Variants in PYHIN1 observed in about 807,000 individuals in gnomAD.
PYHIN1 encodes the protein pyrin and HIN domain-containing protein 1.
PYHIN1 carries 32 observed loss-of-function variants against 43.7 expected under a neutral mutation model. The observed-to-expected ratio is 0.73, with a 90% confidence interval of 0.55 to 0.98. The LOEUF (loss-of-function observed/expected upper bound fraction) is 0.98. PYHIN1 is among the 50% of genes least tolerant of loss of function. The pLI is 0.00. For synonymous variants in PYHIN1, 205 were observed against 203.1 expected, an observed-to-expected ratio of 1.01 and a Z score of -0.08; for missense variants, 588 against 589.5, an observed-to-expected ratio of 1.00 and a Z score of 0.03.
intron 7 of PYHIN1, among the ~76,000 whole-genome samples, chr1:158,971,775 G>A (rs1303231819): frequency 6.6e-6 from 1 of 151,944 alleles, no homozygotes; most frequent in East Asian, 1.9e-4. Flanking sequence ...CAGCAGAGGT[G>A]CTTGACCAAG....
At chr1:158,934,544 A>T (rs2101638582) in intron 1 of PYHIN1, among the ~76,000 whole-genome samples, 1 of 151,726 alleles carries the variant, frequency 6.6e-6, no homozygotes, top group African/African-American at 2.4e-5. Flanking sequence ...TTTGTTTTTT[A>T]TGTTCTTCAG....
chr1:158,933,735 A>AAT lies in PYHIN1; in HGVS notation c.-21+1960_-21+1961dup, dbSNP rs999092524. Among the ~76,000 whole-genome samples the AAT allele has an allele frequency of 3.6e-4, 54 of 152,050 alleles. No individual in the cohort carries two copies. Among genetic ancestry groups the AAT allele is most frequent in the Admixed American group, 9.8e-4 (15 of 15,260 alleles). On this transcript the variant is annotated intron_variant, in intron 1 of 8. Coordinates refer to ENST00000368140, the MANE Select transcript of PYHIN1 (RefSeq NM_152501.5). The surrounding 1 kb of genome is among the most constrained non-coding windows in gnomAD (Gnocchi z 6.3). ...ATATTTCCATCTCACCCTTTAAGAC[A>AAT]ATTACATTAGTAAACTCATATTCTT...
At chr1:158,965,886 T>C (rs1650603205) in intron 7 of PYHIN1, among the ~76,000 whole-genome samples, 1 of 150,830 alleles carries the variant, frequency 6.6e-6, no homozygotes, top group Non-Finnish European at 1.5e-5. Flanking sequence ...ATAACCAATA[T>C]CAGAGCTAAA....
chr1:158,952,051 G>T (rs567439307), intron 7 of PYHIN1, among the ~76,000 whole-genome samples: 4 of 152,158 alleles, frequency 2.6e-5, no homozygotes, highest in Middle Eastern at 3.4e-3. Flanking sequence ...CTAAGCAGGT[G>T]GGCCCCAGGG....
Position 158,945,038 on chromosome 1 carries a change from C to T in PYHIN1, c.1355C>T (p.Thr452Ile). Residue 452 changes from threonine (T) to isoleucine (I), a missense_variant, in exon 7 of 9, where the codon ACC becomes ATC. Transcript: ENST00000368140. ...ACAACCCCATCCAGCAGTTCCTTCA[C>T]CAAGGTACAATATCCTGGGTCCCAT... ...PPTTPSSSSF[T>I]KKDETHPGAQ... 6.2e-7 allele frequency: 1 copy of T among 1,612,498 alleles called. No homozygotes were observed.
intron 7 of PYHIN1, among the ~76,000 whole-genome samples, chr1:158,951,684 G>T (rs1355809791): frequency 6.6e-6 from 1 of 152,180 alleles, no homozygotes; most frequent in Non-Finnish European, 1.5e-5. Flanking sequence ...TTTTGGGAAT[G>T]ATGAAAATGG....
chr1:158,967,320 G>A (rs1260277519), intron 7 of PYHIN1, among the ~76,000 whole-genome samples: 1 of 151,902 alleles, frequency 6.6e-6, no homozygotes, highest in South Asian at 2.1e-4. Flanking sequence ...AAATAATGAG[G>A]CAATCATTTC....
At chr1:158,988,615 T>C in the PYHIN1 span, among the ~76,000 whole-genome samples, 1 of 152,194 alleles carries the variant, frequency 6.6e-6, no homozygotes, top group Non-Finnish European at 1.5e-5. Flanking sequence ...CTTGGCTCTC[T>C]TGGCTGTATT....
intron 7 of PYHIN1, among the ~76,000 whole-genome samples, chr1:158,965,966 A>C (rs116068844): frequency 0.01 from 1,592 of 152,116 alleles, 36 homozygotes; most frequent in African/African-American, 0.037. Context: ...TGTTGAAAAA[A>C]TTAATAAGAA....
the PYHIN1 span, among the ~76,000 whole-genome samples, chr1:158,983,037 G>A: frequency 3.9e-5 from 6 of 152,002 alleles, no homozygotes; most frequent in African/African-American, 1.4e-4. Context: ...TGGGAAATTT[G>A]GGGCAAAGGC....
intron 7 of PYHIN1, among the ~76,000 whole-genome samples, chr1:158,960,524 C>T (rs533936401): frequency 6.6e-6 from 1 of 152,184 alleles, no homozygotes; most frequent in Non-Finnish European, 1.5e-5. Flanking sequence ...GCCATTTATT[C>T]TTGGGTGTCC....
the PYHIN1 span, among the ~76,000 whole-genome samples, chr1:158,990,743 GATTCTACAT>G: frequency 1.3e-5 from 2 of 152,148 alleles, no homozygotes; most frequent in East Asian, 3.9e-4. Context: ...AACTTTTTGA[GATTCTACAT>G]ATGAATGAGT....
downstream of PYHIN1, among the ~76,000 whole-genome samples, chr1:158,981,282 C>T (rs1049208324): frequency 9.2e-5 from 14 of 152,052 alleles, no homozygotes; most frequent in African/African-American, 3.1e-4. Flanking sequence ...CCAGCCTGGC[C>T]AACATGGTGA....
At chr1:158,976,575 G>C (rs1370968574) in intron 8 of PYHIN1, 126 bp from the exon 9 acceptor site, 7 of 637,156 alleles carry the variant, frequency 1.1e-5, no homozygotes, top group Non-Finnish European at 1.6e-5. Context: ...AATGAGAAAA[G>C]AGTGCTTCAG....
downstream of PYHIN1, among the ~76,000 whole-genome samples, chr1:158,977,315 T>C (rs977393714): frequency 9.2e-5 from 14 of 152,250 alleles, no homozygotes; most frequent in African/African-American, 3.4e-4. Context: ...ACTAGAGATA[T>C]CTTTTCAGAA....
At chr1:158,935,178 G>C (rs1012798704) in intron 1 of PYHIN1, among the ~76,000 whole-genome samples, 6 of 151,920 alleles carry the variant, frequency 3.9e-5, no homozygotes, top group South Asian at 2.1e-4. Context: ...CAGTCAGATA[G>C]AGGAATGTGG....
rs1393825997 is a variant in PYHIN1 at position 158,973,801 on chromosome 1, C to T, written c.*5+30C>T. 7 of 1,610,480 alleles carry T rather than the reference C, an allele frequency of 4.3e-6. No individual in the cohort carries two copies. The South Asian group carries it at 7.7e-5, about 18-fold the overall frequency. ...CACCTTTCTATTTGCATTGCTGTAC[C>T]TCTAAAATATAATTGTAGGGGTAAT... On this transcript the variant is annotated intron_variant, in intron 8 of 8. Coordinates refer to ENST00000368140, the MANE Select transcript of PYHIN1 (RefSeq NM_152501.5).
the PYHIN1 span, among the ~76,000 whole-genome samples, chr1:158,985,385 G>A: frequency 6.6e-6 from 1 of 152,130 alleles, no homozygotes; most frequent in African/African-American, 2.4e-5. Flanking sequence ...TGTCTGAAAA[G>A]GATTATGTTT....
At chr1:158,963,261 T>A (rs1157194930) in intron 7 of PYHIN1, among the ~76,000 whole-genome samples, 1 of 152,154 alleles carries the variant, frequency 6.6e-6, no homozygotes, top group Non-Finnish European at 1.5e-5. Context: ...CTATCTCTCT[T>A]GTGACCCACC....
Sources: gnomAD v4.1 joint callset for allele counts (sites outside exome capture counted in the v4.1 genomes callset) on GRCh38, gnomAD v4.1.1 for gene constraint, Gnocchi (gnomAD v3.1) non-coding constraint, MANE v1.5 for transcripts, NCBI Gene and HGNC (gene_info 2026-07-23, HGNC 2026-07-21) for gene names.